ZNF423: variants seen among roughly 807,000 people sequenced by gnomAD.
ZNF423 encodes zinc finger protein 423.
Under a neutral mutation model 95.8 loss-of-function variants are expected in ZNF423, and 12 were observed. The ratio of observed to expected loss-of-function variants is 0.13; its 90% confidence interval spans 0.08 to 0.20. ZNF423 has a LOEUF of 0.20. Ranked by LOEUF, ZNF423 falls within the 10% of genes least tolerant of loss-of-function variation. The probability of loss-of-function intolerance (pLI) is 1.00; values close to 1 mark genes in which losing one functional copy is unlikely to be tolerated. For missense variants in ZNF423, 1,316 were observed against 1,737.1 expected (o/e 0.76, Z 4.31); for synonymous variants, 749 against 711.9 (o/e 1.05, Z -0.83).
chr16:49,837,185 C>T (rs1567366235), intron 1 of ZNF423, among the ~76,000 whole-genome samples: 1 of 152,064 alleles, frequency 6.6e-6, no homozygotes, highest in African/African-American at 2.4e-5. Flanking sequence ...GGGGCCCTGG[C>T]GAGCTGAGGC....
At chr16:49,617,517 C>T (rs1047605221) in intron 5 of ZNF423, among the ~76,000 whole-genome samples, 74 of 152,282 alleles carry the variant, frequency 4.9e-4, no homozygotes, top group African/African-American at 1.8e-3. Context: ...GCTTATGAGC[C>T]GGCTCAAGCA....
At chr16:49,572,613 TG>T (rs1451696647) in intron 5 of ZNF423, among the ~76,000 whole-genome samples, 4 of 152,156 alleles carry the variant, frequency 2.6e-5, no homozygotes, top group African/African-American at 4.8e-5. Flanking sequence ...AGAAGTGGCA[TG>T]ATCAAGTGTG....
chr16:49,835,427 C>G (rs1292126803), intron 1 of ZNF423, among the ~76,000 whole-genome samples: 2 of 152,324 alleles, frequency 1.3e-5, no homozygotes, highest in African/African-American at 4.8e-5. Flanking sequence ...CAGAGGCGTT[C>G]CTGGGGGACC....
intron 3 of ZNF423, among the ~76,000 whole-genome samples, chr16:49,674,208 G>A (rs1567281909): frequency 6.6e-6 from 1 of 152,198 alleles, no homozygotes; most frequent in Non-Finnish European, 1.5e-5. Flanking sequence ...GAAAATTTGT[G>A]CACAGGATCT....
chr16:49,537,897 G>T (rs1969110069), intron 5 of ZNF423, among the ~76,000 whole-genome samples: 1 of 152,188 alleles, frequency 6.6e-6, no homozygotes, highest in African/African-American at 2.4e-5. Context: ...TTTCTCAGAT[G>T]GTGTGGGCCC....
intron 3 of ZNF423, among the ~76,000 whole-genome samples, chr16:49,669,556 G>A (rs1278752791): frequency 6.6e-6 from 1 of 152,172 alleles, no homozygotes; most frequent in Non-Finnish European, 1.5e-5. Flanking sequence ...GACACGGCCA[G>A]GCCAGGTGGG....
intron 2 of ZNF423, among the ~76,000 whole-genome samples, chr16:49,781,538 G>A (rs2034212115): frequency 6.6e-6 from 1 of 152,166 alleles, no homozygotes; most frequent in Admixed American, 6.5e-5. Context: ...CAGGGGTGTG[G>A]GTGGAGTTTC....
intron 5 of ZNF423, among the ~76,000 whole-genome samples, chr16:49,576,131 T>C (rs1338408313): frequency 6.6e-6 from 1 of 152,240 alleles, no homozygotes; most frequent in Non-Finnish European, 1.5e-5. Flanking sequence ...AAGTTTCCTT[T>C]GCTCTCTGGA....
At chr16:49,791,146 T>C (rs1043878629) in intron 1 of ZNF423, among the ~76,000 whole-genome samples, 2 of 152,170 alleles carry the variant, frequency 1.3e-5, no homozygotes, top group African/African-American at 2.4e-5. Flanking sequence ...TGAAGTGTGC[T>C]CTCTTTTCCA....
At chr16:49,739,222 G>C (rs1286828913) in intron 2 of ZNF423, among the ~76,000 whole-genome samples, 1 of 152,166 alleles carries the variant, frequency 6.6e-6, no homozygotes, top group Non-Finnish European at 1.5e-5. Context: ...TTGGCTCATA[G>C]TACAGCTTGA....
chr16:49,760,644 T>G (rs544878365), intron 2 of ZNF423, among the ~76,000 whole-genome samples: 6 of 152,024 alleles, frequency 3.9e-5, no homozygotes, highest in African/African-American at 1.4e-4. Flanking sequence ...TCAGACAATG[T>G]GATGAGGGCA....
chr16:49,843,837 C>A (rs2035216092), intron 1 of ZNF423, among the ~76,000 whole-genome samples: 1 of 152,080 alleles, frequency 6.6e-6, no homozygotes, highest in South Asian at 2.1e-4. Context: ...GGCAGACCAC[C>A]CCCCCTCCAA....
intron 5 of ZNF423, among the ~76,000 whole-genome samples, chr16:49,617,836 C>G (rs1187060745): frequency 6.6e-6 from 1 of 152,194 alleles, no homozygotes; most frequent in Non-Finnish European, 1.5e-5. Context: ...ACAATGGCCA[C>G]TTGTTGCTGA....
At chr16:49,854,986 C>T (rs1046821706) in intron 1 of ZNF423, 6 of 984,944 alleles carry the variant, frequency 6.1e-6, no homozygotes, top group Non-Finnish European at 4.8e-6. Flanking sequence ...CGCGGAGGGG[C>T]GCGCACCGCG....
chr16:49,507,332 T>C (rs976951333), intron 7 of ZNF423, among the ~76,000 whole-genome samples: 4 of 152,028 alleles, frequency 2.6e-5, no homozygotes, highest in African/African-American at 9.7e-5. Flanking sequence ...CGGGGTCTCA[T>C]TATGTTGTCC....
chr16:49,520,166 G>T (rs1261692616), intron 7 of ZNF423, among the ~76,000 whole-genome samples: 1 of 152,136 alleles, frequency 6.6e-6, no homozygotes, highest in African/African-American at 2.4e-5. Context: ...TTTCACCACT[G>T]TCTTCTCAGG....
intron 5 of ZNF423, among the ~76,000 whole-genome samples, chr16:49,550,514 C>G (rs1969595378): frequency 6.6e-6 from 1 of 152,250 alleles, no homozygotes; most frequent in African/African-American, 2.4e-5. Flanking sequence ...GACTGCTTGG[C>G]CAAGGCCACA....
At chr16:49,732,646 G>A (rs563388846) in intron 2 of ZNF423, among the ~76,000 whole-genome samples, 9 of 152,274 alleles carry the variant, frequency 5.9e-5, no homozygotes, top group Non-Finnish European at 7.3e-5. Flanking sequence ...CCCTGAGGGC[G>A]GGCGCCAAAG....
At chr16:49,574,770 C>G (rs1970447035) in intron 5 of ZNF423, among the ~76,000 whole-genome samples, 1 of 152,162 alleles carries the variant, frequency 6.6e-6, no homozygotes. Flanking sequence ...TCTCCTGGAG[C>G]CTGGGAGAGC....
Sources: gnomAD v4.1 joint callset for allele counts (sites outside exome capture counted in the v4.1 genomes callset) on GRCh38, gnomAD v4.1.1 for gene constraint, MANE v1.5 for transcripts, NCBI Gene and HGNC (gene_info 2026-07-23, HGNC 2026-07-21) for gene names.